PRKN: variants seen among roughly 807,000 people sequenced by gnomAD.
The protein encoded by PRKN is parkin RBR E3 ubiquitin protein ligase.
In PRKN, 56 loss-of-function variants were observed where a neutral mutation model predicts 59.5. The ratio of observed to expected loss-of-function variants is 0.94; its 90% confidence interval spans 0.76 to 1.18. The LOEUF (loss-of-function observed/expected upper bound fraction) is 1.18, where lower values mean the gene tolerates loss of function less well. Ranked by LOEUF, PRKN falls within the 50% of genes most tolerant of loss-of-function variation. The probability of loss-of-function intolerance (pLI) is 0.00; values close to 1 mark genes in which losing one functional copy is unlikely to be tolerated. For missense variants in PRKN, 657 were observed against 596.4 expected (o/e 1.10, Z -1.06); for synonymous variants, 250 against 222.1 (o/e 1.13, Z -1.12).
chr6:162,167,303 G>A (rs965451877), intron 4 of PRKN, among the ~76,000 whole-genome samples: 9 of 152,176 alleles, frequency 5.9e-5, no homozygotes, highest in African/African-American at 9.6e-5. Context: ...ATAAATGGAT[G>A]GTAAAGCTGG....
chr6:161,663,249 A>G (rs1261637761), intron 7 of PRKN, among the ~76,000 whole-genome samples: 1 of 152,176 alleles, frequency 6.6e-6, no homozygotes, highest in Non-Finnish European at 1.5e-5. Flanking sequence ...AGACTAATAC[A>G]TGTGGCGGTG....
At chr6:162,466,812 A>G (rs571089715) in intron 1 of PRKN, among the ~76,000 whole-genome samples, 1 of 150,694 alleles carries the variant, frequency 6.6e-6, no homozygotes, top group African/African-American at 2.4e-5. Context: ...TCTTTTAATC[A>G]CTACCCATTT....
intron 7 of PRKN, 77 bp downstream of exon 7, chr6:161,785,694 TA>T: frequency 7.1e-7 from 1 of 1,405,626 alleles, no homozygotes; most frequent in Non-Finnish European, 1.0e-6. Flanking sequence ...TACGTATATC[TA>T]AGCCAGTTTT....
At chr6:162,410,314 G>C (rs1788289553) in intron 2 of PRKN, among the ~76,000 whole-genome samples, 1 of 152,066 alleles carries the variant, frequency 6.6e-6, no homozygotes, top group Admixed American at 6.5e-5. Context: ...ACCCTGACCA[G>C]AGTTTGCCCC....
chr6:162,364,144 C>A (rs574527409), intron 2 of PRKN, among the ~76,000 whole-genome samples: 10 of 151,458 alleles, frequency 6.6e-5, no homozygotes, highest in Non-Finnish European at 1.5e-4. Context: ...TAAAATCAAA[C>A]CCCAGACTTG....
chr6:162,101,289 T>C (rs1453378166), intron 4 of PRKN, among the ~76,000 whole-genome samples: 2 of 151,486 alleles, frequency 1.3e-5, no homozygotes, highest in Non-Finnish European at 2.9e-5. Flanking sequence ...TTCCTTCTTC[T>C]GCTTGTGGAT....
rs143577128 is a variant in PRKN, at chr6:162,453,813, G to C, written c.8-10340C>G. On this transcript the variant is annotated intron_variant, in intron 1 of 11. Transcript: ENST00000366898. Reference sequence around the variant, plus strand: ...AGCTACTCAGGAGGCTGAGACAGGAGAATCACATGAACCCAGGAGGTGGAG... The same window carrying C: ...AGCTACTCAGGAGGCTGAGACAGGACAATCACATGAACCCAGGAGGTGGAG... Among the ~76,000 whole-genome samples, 455 of 152,256 alleles carry C rather than the reference G, an allele frequency of 3.0e-3. 3 individuals are homozygous for C. Among genetic ancestry groups the C allele is most frequent in the African/African-American group, 0.011 (440 of 41,526 alleles).
At chr6:162,253,281 A>ATCTAATCTAT (rs1554291298) in intron 3 of PRKN, among the ~76,000 whole-genome samples, 2 of 148,704 alleles carry the variant, frequency 1.3e-5, no homozygotes, top group African/African-American at 5.2e-5. Flanking sequence ...CAGGCAACAA[A>ATCTAATCTAT]TCTAATCTAA....
intron 7 of PRKN, among the ~76,000 whole-genome samples, chr6:161,606,876 C>T (rs924406871): frequency 6.6e-5 from 10 of 152,220 alleles, no homozygotes; most frequent in Admixed American, 6.5e-4. Flanking sequence ...TTCCCTGCTT[C>T]CCCAGGCTGA....
intron 7 of PRKN, among the ~76,000 whole-genome samples, chr6:161,769,424 G>A (rs1789569450): frequency 6.6e-6 from 1 of 152,126 alleles, no homozygotes; most frequent in Non-Finnish European, 1.5e-5. Flanking sequence ...TGAGTACAGG[G>A]TCCTCACTTT....
chr6:161,658,030 A>G (rs57142311), intron 7 of PRKN, among the ~76,000 whole-genome samples: 10,406 of 105,078 alleles, frequency 0.099, 815 homozygotes, highest in African/African-American at 0.2. Context: ...AAAAAAAAAA[A>G]AAAAGAAAAG....
chr6:162,725,552 G>A (rs1779120557), intron 1 of PRKN, among the ~76,000 whole-genome samples: 1 of 152,062 alleles, frequency 6.6e-6, no homozygotes. Context: ...TTGAGCCCAG[G>A]AGTTTGAGAC....
At chr6:161,814,579 C>T (rs11751911) in intron 6 of PRKN, among the ~76,000 whole-genome samples, 29,422 of 151,984 alleles carry the variant, frequency 0.19, 3,452 homozygotes, top group Middle Eastern at 0.27. Context: ...CTTGGCTCAC[C>T]GCAACCTCCG....
At chr6:162,214,138 T>G (rs558567362) in intron 3 of PRKN, among the ~76,000 whole-genome samples, 19 of 152,146 alleles carry the variant, frequency 1.2e-4, no homozygotes, top group African/African-American at 4.3e-4. Flanking sequence ...CAGGAGACAC[T>G]GCAGGAAGAC....
At chr6:162,093,921 C>T (rs57816545) in intron 4 of PRKN, among the ~76,000 whole-genome samples, 19,833 of 152,094 alleles carry the variant, frequency 0.13, 1,893 homozygotes, top group African/African-American at 0.27. Context: ...AAAGGATGGA[C>T]ACATGAATAC....
chr6:161,432,751 T>C (rs987839903), intron 9 of PRKN, among the ~76,000 whole-genome samples: 9 of 152,036 alleles, frequency 5.9e-5, no homozygotes, highest in African/African-American at 2.2e-4. Flanking sequence ...ATTAAATGAC[T>C]CAGCAACTTC....
chr6:162,577,608 T>TAAATG (rs113780758), intron 1 of PRKN, among the ~76,000 whole-genome samples: 1 of 137,078 alleles, frequency 7.3e-6, no homozygotes, highest in African/African-American at 2.8e-5. Flanking sequence ...TCAAAATAAA[T>TAAATG]AAATAAAATA....
At chr6:162,191,568 G>T (rs1044082595) in intron 4 of PRKN, among the ~76,000 whole-genome samples, 2 of 152,102 alleles carry the variant, frequency 1.3e-5, no homozygotes, top group Non-Finnish European at 2.9e-5. Context: ...TCAGCCTCCT[G>T]AGTAGCTGGG....
intron 7 of PRKN, among the ~76,000 whole-genome samples, chr6:161,744,091 A>G (rs1442854272): frequency 1.3e-5 from 2 of 152,034 alleles, no homozygotes; most frequent in South Asian, 4.1e-4. Context: ...ATGGATTTTT[A>G]TATGTATGAA....
Sources: allele counts gnomAD v4.1 joint callset (sites outside exome capture counted in the v4.1 genomes callset), GRCh38; gene constraint gnomAD v4.1.1; transcripts MANE v1.5; gene names NCBI Gene and HGNC (gene_info 2026-07-23, HGNC 2026-07-21).